The following SH3TC2 variants were observed in gnomAD, a reference collection of about 807,000 sequenced individuals.
SH3TC2 encodes SH3 domain and tetratricopeptide repeat-containing protein 2.
Under a neutral mutation model 124.5 loss-of-function variants are expected in SH3TC2, and 87 were observed. The ratio of observed to expected loss-of-function variants is 0.70; its 90% CI spans 0.59 to 0.84. SH3TC2 has a LOEUF of 0.84. Among genes scored for constraint, SH3TC2 ranks in the 40% least tolerant of loss-of-function variants. SH3TC2 has a pLI of 0.00. For synonymous variants in SH3TC2, 634 were observed against 628.5 expected, an observed-to-expected ratio of 1.01 and a Z score of -0.13; for missense variants, 1,536 against 1,566.4, an observed-to-expected ratio of 0.98 and a Z score of 0.33.
rs139498576 is a variant in SH3TC2, at chr5:149,015,539, G to A, written c.3054-2805C>T. 6.6e-5 allele frequency among the ~76,000 whole-genome samples: 10 copies of A among 152,332 alleles called. No individual in the cohort carries two copies. In the East Asian group the frequency reaches 1.9e-3, roughly 29 times the overall value. On this transcript the variant is annotated intron_variant, in intron 12 of 16. Transcript: ENST00000515425. The stretch of plus-strand genomic sequence containing the variant: ...GTATTTCTGGTTCTCCTGTGCCTGT[G>A]TTCCGGCATGTTATCTCCTGTCCTT...
chr5:149,032,182 G>A (rs1284983253), intron 8 of SH3TC2, among the ~76,000 whole-genome samples: 1 of 152,194 alleles, frequency 6.6e-6, no homozygotes, highest in Non-Finnish European at 1.5e-5. Flanking sequence ...ATGGTCAGAG[G>A]AATCTTTCAC....
intron 9 of SH3TC2, 111 bp downstream of exon 9, chr5:149,031,443 C>T (rs1561766665): frequency 2.7e-6 from 4 of 1,477,896 alleles, no homozygotes; most frequent in East Asian, 2.3e-5. Context: ...TCATGGCCAC[C>T]CAAATTCATG....
rs1275011137 is a variant in SH3TC2, at chr5:149,063,048, G to T, written c.-26C>A. 1 of 1,585,786 alleles carries T rather than the reference G, an allele frequency of 6.3e-7. No individual in the cohort carries two copies. Among genetic ancestry groups the T allele is most frequent in the South Asian group, 1.2e-5 (1 of 86,656 alleles). ...GTGTGTACCATCCTACCCTGGCCGA[G>T]GCCCTTGGGAACACAGGCCAGAAGA... On this transcript the variant is annotated 5_prime_UTR_variant, in exon 1 of 17. Coordinates refer to ENST00000515425, the MANE Select transcript of SH3TC2 (RefSeq NM_024577.4).
intron 3 of SH3TC2, chr5:149,044,891 C>CCTG: frequency 4.7e-6 from 2 of 423,002 alleles, no homozygotes; most frequent in Non-Finnish European, 8.8e-6. Context: ...CTGATATAGG[C>CCTG]TCCAGATATA....
rs995563452 is a variant in SH3TC2, at chr5:148,999,801, T to C, written c.*4910A>G. Among the ~76,000 whole-genome samples, 5 of 152,190 alleles carry C rather than the reference T, an allele frequency of 3.3e-5. No individual in the cohort carries two copies. Among genetic ancestry groups the C allele is most frequent in the Admixed American group, 1.3e-4 (2 of 15,274 alleles). On this transcript the variant is annotated 3_prime_UTR_variant, in exon 17 of 17. Coordinates refer to ENST00000515425, the MANE Select transcript of SH3TC2 (RefSeq NM_024577.4). ...TCTTTCCAAAGCACAAATCTGACCA[T>C]GTTTCTTTCAACTGCTTATAATCCT...
At chr5:149,021,550 G>A (rs1298752546) in intron 12 of SH3TC2, among the ~76,000 whole-genome samples, 1 of 151,738 alleles carries the variant, frequency 6.6e-6, no homozygotes, top group Non-Finnish European at 1.5e-5. Flanking sequence ...TAAAAAGAGA[G>A]AAGAGTCTCA....
intron 7 of SH3TC2, among the ~76,000 whole-genome samples, chr5:149,039,886 T>C (rs1754340018): frequency 7.0e-6 from 1 of 142,198 alleles, no homozygotes; most frequent in African/African-American, 2.7e-5. Flanking sequence ...CATAATCCTA[T>C]TTCTTTTTTT....
Position 148,999,431 on chromosome 5 carries a change from GC to G in SH3TC2, c.*5279del, listed in dbSNP as rs573168274. Among the ~76,000 whole-genome samples, 137 of 152,266 alleles carry G rather than the reference GC, an allele frequency of 9.0e-4. No individual in the cohort carries two copies. Among genetic ancestry groups the G allele is most frequent in the African/African-American group, 3.2e-3 (132 of 41,552 alleles). Reference sequence around the variant, plus strand: ...GCCCAACTCCAAAACACATTACATTGCCCCCACCTGAGCTGCCACCTGAGTG... The same window carrying G: ...GCCCAACTCCAAAACACATTACATTGCCCCACCTGAGCTGCCACCTGAGTG... On this transcript the variant is annotated 3_prime_UTR_variant, in exon 17 of 17. Coordinates refer to ENST00000515425, the MANE Select transcript of SH3TC2 (RefSeq NM_024577.4).
At chr5:149,012,924 T>C (rs1753808565) in intron 12 of SH3TC2, among the ~76,000 whole-genome samples, 190 bp from the exon 13 acceptor site, 1 of 152,142 alleles carries the variant, frequency 6.6e-6, no homozygotes, top group Admixed American at 6.5e-5. Flanking sequence ...GATCCTTCTG[T>C]GCCTTGGTTT....
chr5:149,058,541 T>C (rs1754690291), intron 1 of SH3TC2, among the ~76,000 whole-genome samples: 1 of 152,212 alleles, frequency 6.6e-6, no homozygotes, highest in African/African-American at 2.4e-5. Context: ...GGGTTATTTA[T>C]CTTATCATTA....
chr5:149,001,004 G>A lies in SH3TC2; in HGVS notation c.*3707C>T, dbSNP rs548127285. ...GAGGTTAAGTGACTTGCCCAAGGTCGCACTGCAATTTAATATCAAAATCAA... is the reference window on the plus strand; with the variant it reads ...GAGGTTAAGTGACTTGCCCAAGGTCACACTGCAATTTAATATCAAAATCAA... On this transcript the variant is annotated 3_prime_UTR_variant, in exon 17 of 17. Coordinates refer to ENST00000515425, the MANE Select transcript of SH3TC2 (RefSeq NM_024577.4). 3.3e-5 allele frequency among the ~76,000 whole-genome samples: 5 copies of A among 152,140 alleles called. No individual in the cohort carries two copies. Among genetic ancestry groups the A allele is most frequent in the South Asian group, 2.1e-4 (1 of 4,816 alleles).
At chr5:149,020,709 T>A (rs1753954403) in intron 12 of SH3TC2, among the ~76,000 whole-genome samples, 1 of 152,046 alleles carries the variant, frequency 6.6e-6, no homozygotes, top group African/African-American at 2.4e-5. Flanking sequence ...TTAAAGACAA[T>A]GAAGGACATT....
chr5:149,025,793 G>T (rs943734288), intron 12 of SH3TC2: 4 of 152,198 alleles, frequency 2.6e-5, no homozygotes, highest in African/African-American at 9.7e-5. Context: ...GTTAAGTTTT[G>T]ATTTATTTTT....
At chr5:149,051,073 C>T (rs974900343) in intron 2 of SH3TC2, among the ~76,000 whole-genome samples, 9 of 152,138 alleles carry the variant, frequency 5.9e-5, no homozygotes, top group African/African-American at 2.2e-4. Flanking sequence ...TAAAATGGTC[C>T]CATCTACCGT....
At chr5:149,018,601 G>A (rs952848217) in intron 12 of SH3TC2, among the ~76,000 whole-genome samples, 8 of 152,214 alleles carry the variant, frequency 5.3e-5, no homozygotes, top group South Asian at 2.1e-4. Flanking sequence ...GGGGGAAACC[G>A]TGCCATGATT....
At chr5:149,061,072 G>A (rs1754738357) in intron 1 of SH3TC2, among the ~76,000 whole-genome samples, 1 of 152,184 alleles carries the variant, frequency 6.6e-6, no homozygotes, top group South Asian at 2.1e-4. Context: ...TAATATGGGG[G>A]AATGGCATGA....
intron 3 of SH3TC2, chr5:149,046,663 G>C (rs1263840272): frequency 6.6e-6 from 1 of 152,152 alleles, no homozygotes; most frequent in Non-Finnish European, 1.5e-5. Context: ...GCTGACTCCA[G>C]GCCTCAACTG....
intron 12 of SH3TC2, among the ~76,000 whole-genome samples, chr5:149,018,910 A>C (rs1299507085): frequency 6.6e-6 from 1 of 152,006 alleles, no homozygotes; most frequent in Admixed American, 6.5e-5. Flanking sequence ...GATCACCCCC[A>C]TCCTTTGCTG....
At chr5:149,021,412 G>A (rs538896180) in intron 12 of SH3TC2, among the ~76,000 whole-genome samples, 47 of 151,508 alleles carry the variant, frequency 3.1e-4, no homozygotes, top group African/African-American at 1.1e-3. Flanking sequence ...GCAAACAGAG[G>A]AAAGGAATTA....
Sources: gnomAD v4.1 joint callset for allele counts (sites outside exome capture counted in the v4.1 genomes callset) on GRCh38, gnomAD v4.1.1 for gene constraint, MANE v1.5 for transcripts, NCBI Gene and HGNC (gene_info 2026-07-23, HGNC 2026-07-21) for gene names.